Variants in SNX24 observed in about 807,000 individuals in gnomAD.
The protein encoded by SNX24 is sorting nexin 24.
SNX24 carries 22 observed loss-of-function variants against 28.7 expected under a neutral mutation model. That is an observed-to-expected ratio of 0.77 (90% CI 0.55 to 1.10). The LOEUF (loss-of-function observed/expected upper bound fraction) is 1.10, where lower values mean the gene tolerates loss of function less well. Ranked by LOEUF, SNX24 falls within the 50% of genes least tolerant of loss-of-function variation. The probability of loss-of-function intolerance (pLI) is 0.00; values close to 1 mark genes in which losing one functional copy is unlikely to be tolerated. For missense variants in SNX24, 221 were observed against 201.1 expected (o/e 1.10, Z -0.60); for synonymous variants, 69 against 71.5 (o/e 0.96, Z 0.18).
intron 1 of SNX24, among the ~76,000 whole-genome samples, chr5:122,929,667 C>T (rs1758862941): frequency 6.6e-6 from 1 of 151,952 alleles, no homozygotes; most frequent in Non-Finnish European, 1.5e-5. Flanking sequence ...CAGAGAAAGA[C>T]AAATGCTTTG....
At chr5:122,926,683 G>A (rs919632821) in intron 1 of SNX24, among the ~76,000 whole-genome samples, 3 of 152,192 alleles carry the variant, frequency 2.0e-5, no homozygotes, top group Non-Finnish European at 4.4e-5. Context: ...GATTCCAAAG[G>A]CATCATTAGC....
chr5:122,890,371 A>G (rs2150069895), intron 1 of SNX24, among the ~76,000 whole-genome samples: 1 of 152,012 alleles, frequency 6.6e-6, no homozygotes, highest in East Asian at 1.9e-4. Flanking sequence ...GCAGACATTA[A>G]TTGTTTTTTG....
intron 1 of SNX24, chr5:122,891,124 A>G (rs1190599424): frequency 6.7e-7 from 1 of 1,500,208 alleles, no homozygotes; most frequent in East Asian, 2.5e-5. Flanking sequence ...CTTACATATC[A>G]GGTATTTTTG....
intron 1 of SNX24, among the ~76,000 whole-genome samples, chr5:122,932,467 TAAATA>T (rs1223259104): frequency 6.6e-6 from 1 of 152,024 alleles, no homozygotes; most frequent in Non-Finnish European, 1.5e-5. Context: ...GCTAAATAAA[TAAATA>T]AAATAAAAAT....
At chr5:122,946,668 T>G (rs1406028268) in intron 3 of SNX24, among the ~76,000 whole-genome samples, 2 of 152,146 alleles carry the variant, frequency 1.3e-5, no homozygotes, top group Non-Finnish European at 2.9e-5. Context: ...TTAGAAAGAA[T>G]GCACTGGGAC....
At chr5:122,908,751 T>C (rs1561578591) in intron 1 of SNX24, among the ~76,000 whole-genome samples, 1 of 152,334 alleles carries the variant, frequency 6.6e-6, no homozygotes, top group South Asian at 2.1e-4. Context: ...TAGAATATTA[T>C]GTAGCAGTAA....
chr5:122,922,037 A>G (rs1010234064), intron 1 of SNX24, among the ~76,000 whole-genome samples: 1 of 152,172 alleles, frequency 6.6e-6, no homozygotes, highest in South Asian at 2.1e-4. Flanking sequence ...CTGATTCTAC[A>G]TTAAGAATGA....
chr5:122,922,630 C>T (rs1758487244), intron 1 of SNX24, among the ~76,000 whole-genome samples: 4 of 151,918 alleles, frequency 2.6e-5, no homozygotes. Flanking sequence ...CGTGGTATAA[C>T]TTCATATTCT....
In SNX24 at chr5:122,876,228, A is replaced by G. The variant is rs572262915; in HGVS notation, c.60+30535A>G. ...AGCTGGCCACAGTACTGACATTTTG[A>G]AAGTGTATATATTTTACAATTTTTT... On this transcript the variant is annotated intron_variant, in intron 1 of 6. Transcript: ENST00000261369. 3.3e-5 allele frequency among the ~76,000 whole-genome samples: 5 copies of G among 152,342 alleles called. No individual in the cohort carries two copies. In the South Asian group the frequency reaches 1.0e-3, roughly 32 times the overall value.
At chr5:122,955,941 A>G (rs572792032) in intron 3 of SNX24, among the ~76,000 whole-genome samples, 1 of 152,242 alleles carries the variant, frequency 6.6e-6, no homozygotes, top group South Asian at 2.1e-4. Flanking sequence ...GGTGAGGGCC[A>G]CAGTTTCTTC....
intron 5 of SNX24, among the ~76,000 whole-genome samples, chr5:123,018,048 G>A (rs896369280): frequency 5.9e-5 from 9 of 152,014 alleles, no homozygotes; most frequent in Admixed American, 5.9e-4. Context: ...CCAGGGAGGA[G>A]ATGGGAGACA....
At chr5:123,029,039 A>G in intron 5 of SNX24, 1 of 823,078 alleles carries the variant, frequency 1.2e-6, no homozygotes, top group South Asian at 1.9e-5. Context: ...TGACCAAAAA[A>G]TAAATATGTT....
At chr5:122,979,606 G>A (rs1201681749) in intron 3 of SNX24, among the ~76,000 whole-genome samples, 1 of 152,224 alleles carries the variant, frequency 6.6e-6, no homozygotes, top group Non-Finnish European at 1.5e-5. Flanking sequence ...AAGAACATTT[G>A]TGGTCATCAC....
In SNX24 at chr5:122,936,809, C is replaced by T; in HGVS notation, c.136C>T (p.His46Tyr). 1 of 1,601,066 alleles carries T rather than the reference C, an allele frequency of 6.2e-7. No individual in the cohort carries two copies. The highest frequency in any genetic ancestry group is 8.5e-7 in the Non-Finnish European group (1 of 1,170,290). The change falls in exon 2 of 7, where the codon CAC becomes TAC. Residue 46 changes from histidine (H) to tyrosine (Y), a missense_variant. Physicochemically the swap from His to Tyr is moderately conservative, Grantham distance 83. Transcript: ENST00000261369. The stretch of plus-strand genomic sequence containing the variant: ...GAGATACAGCGAATTTCATGCTTTG[C>T]ACAAAAAGGTAACTTGTTTTCTGTT... ...EKRYSEFHAL[H>Y]KKLKKCIKTP...
chr5:122,881,009 C>T (rs1008078073), intron 1 of SNX24, among the ~76,000 whole-genome samples: 1 of 152,110 alleles, frequency 6.6e-6, no homozygotes, highest in East Asian at 1.9e-4. Flanking sequence ...TCTTGGCCTG[C>T]GATTTGTCAT....
At chr5:122,956,748 C>T (rs950126148) in intron 3 of SNX24, among the ~76,000 whole-genome samples, 2 of 152,064 alleles carry the variant, frequency 1.3e-5, no homozygotes, top group African/African-American at 2.4e-5. Context: ...GAGGTGGTAT[C>T]TCCCTGTAGT....
At chr5:122,974,935 A>C (rs1375226278) in intron 3 of SNX24, among the ~76,000 whole-genome samples, 1 of 152,192 alleles carries the variant, frequency 6.6e-6, no homozygotes, top group Non-Finnish European at 1.5e-5. Flanking sequence ...GCATTCTGGC[A>C]TTGGGGAAAT....
intron 3 of SNX24, among the ~76,000 whole-genome samples, chr5:122,962,311 A>G (rs1760516960): frequency 6.6e-6 from 1 of 152,140 alleles, no homozygotes; most frequent in Non-Finnish European, 1.5e-5. Flanking sequence ...GGAGAATTGT[A>G]CTACTTAATT....
At chr5:122,892,813 G>C (rs1757030635) in intron 1 of SNX24, among the ~76,000 whole-genome samples, 1 of 151,492 alleles carries the variant, frequency 6.6e-6, no homozygotes, top group Non-Finnish European at 1.5e-5. Flanking sequence ...CTGTCACCCA[G>C]GCTGGAATGC....
Sources: allele counts gnomAD v4.1 joint callset (sites outside exome capture counted in the v4.1 genomes callset), GRCh38; gene constraint gnomAD v4.1.1; transcripts MANE v1.5; gene names NCBI Gene and HGNC (gene_info 2026-07-23, HGNC 2026-07-21).